TBRG4: variants seen among roughly 807,000 people sequenced by gnomAD.
TBRG4 encodes the protein transforming growth factor beta regulator 4.
TBRG4 carries 43 observed loss-of-function variants against 65.6 expected under a neutral mutation model. The ratio of observed to expected loss-of-function variants is 0.66; its 90% CI spans 0.51 to 0.85. TBRG4 has a LOEUF of 0.85. Among genes scored for constraint, TBRG4 ranks in the 40% least tolerant of loss-of-function variants. The probability of loss-of-function intolerance (pLI) is 0.00; values close to 1 mark genes in which losing one functional copy is unlikely to be tolerated. For missense variants in TBRG4, 709 were observed against 787.9 expected, an observed-to-expected ratio of 0.90 and a Z score of 1.20; for synonymous variants, 366 against 341.4, an observed-to-expected ratio of 1.07 and a Z score of -0.79.
At chr7:45,103,202 T>G (rs891700825) in intron 6 of TBRG4, 131 bp downstream of exon 6, 1 of 711,046 alleles carries the variant, frequency 1.4e-6, no homozygotes, top group African/African-American at 1.8e-5. Flanking sequence ...CAGTTCCCCC[T>G]GCCCTCCCAT....
intron 9 of TBRG4, 26 bp downstream of exon 9, chr7:45,101,477 T>C (rs886222827): frequency 1.2e-6 from 2 of 1,607,928 alleles, no homozygotes; most frequent in Non-Finnish European, 1.7e-6. Flanking sequence ...GGTGCCCCCA[T>C]GGCCAACAGG....
rs112269243 is a variant in TBRG4 at position 45,102,572 on chromosome 7, A to C, written c.1177-81T>G. The C allele has an allele frequency of 5.8e-6, 9 of 1,549,460 alleles. No individual in the cohort carries two copies. In the African/African-American group the frequency reaches 6.8e-5, roughly 12 times the overall value. ...AGCCATGGGTGAGACACAATCCATG[A>C]TGTGGTCTTGGCCTGGTTGGGATGA... On this transcript the variant is annotated intron_variant, in intron 6 of 10. Coordinates refer to ENST00000258770, the MANE Select transcript of TBRG4 (RefSeq NM_004749.4).
rs191115021 is a variant in TBRG4, at chr7:45,102,459, G to A, written c.1209C>T (p.Gly403=). The A allele has an allele frequency of 2.4e-4, 383 of 1,612,660 alleles. No individual in the cohort carries two copies. The highest frequency in any genetic ancestry group is 2.1e-4 in the Non-Finnish European group (246 of 1,180,006). The change falls in exon 7 of 11, where the codon GGC becomes GGT. Residue 403 remains glycine, a synonymous_variant. Coordinates refer to ENST00000258770, the MANE Select transcript of TBRG4 (RefSeq NM_004749.4). ...VHEKLGSELP[G]LEPALQVDLV... is the part of the protein sequence containing the mutation. ...GGTCCACCTGCAGGGCTGGCTCCAGGCCTGGCAGCTCTGACCCCAGCTTCT... is the reference window on the plus strand; with the variant it reads ...GGTCCACCTGCAGGGCTGGCTCCAGACCTGGCAGCTCTGACCCCAGCTTCT...
chr7:45,104,451 A>G (rs1372937262), intron 4 of TBRG4, 87 bp downstream of exon 4: 1 of 1,600,544 alleles, frequency 6.2e-7, no homozygotes, highest in South Asian at 1.1e-5. Context: ...CCTACCATGC[A>G]TAGGACAGGT....
intron 2 of TBRG4, 89 bp from the exon 3 acceptor site, chr7:45,105,853 G>A: frequency 2.9e-6 from 4 of 1,395,778 alleles, no homozygotes; most frequent in Admixed American, 1.8e-5. Context: ...CTTGTTTCAT[G>A]AGCATTTACT....
At chr7:45,104,509 C>T (rs897300775) in intron 4 of TBRG4, 29 bp downstream of exon 4, 1 of 1,613,572 alleles carries the variant, frequency 6.2e-7, no homozygotes, top group Non-Finnish European at 8.5e-7. Context: ...GCGCTCCCCT[C>T]TCTCCACCGT....
Position 45,105,654 on chromosome 7 carries a change from C to T in TBRG4, c.522G>A (p.Trp174Ter). 1 of 1,614,070 alleles carries T rather than the reference C, an allele frequency of 6.2e-7. No homozygotes were observed. Among genetic ancestry groups the T allele is most frequent in the Non-Finnish European group, 8.5e-7 (1 of 1,180,040 alleles). ...ELQSVEQEVR[W>*]RMRKLKYKHL... ...GCTTGTACTTGAGCTTCCGCATGCG[C>T]CAGCGGACCTCCTGCTCCACCGACT... The change falls in exon 3 of 11, where the codon TGG (tryptophan) becomes TGA (stop). Residue 174 changes from tryptophan (W) to a stop codon, truncating the protein, a stop_gained. Coordinates refer to ENST00000258770, the MANE Select transcript of TBRG4 (RefSeq NM_004749.4). LOFTEE classifies it high-confidence loss of function.
At chr7:45,103,862 C>T (rs1477405208) in intron 5 of TBRG4, 1 of 603,260 alleles carries the variant, frequency 1.7e-6, no homozygotes, top group African/African-American at 1.9e-5. Flanking sequence ...TACAGCTACC[C>T]CAAAATGGAT....
Position 45,105,578 on chromosome 7 carries a change from A to G in TBRG4, c.598T>C (p.Ser200Pro), listed in dbSNP as rs1308605038. 2 of 1,614,046 alleles carry G rather than the reference A, an allele frequency of 1.2e-6. No homozygotes were observed. The highest frequency in any genetic ancestry group is 1.7e-6 in the Non-Finnish European group (2 of 1,180,032). Residue 200 changes from serine to proline, a missense_variant, in exon 3 of 11, where the codon TCG becomes CCG. Transcript: ENST00000258770. ...AGCAGCTCAGCCAGCAGCTCCTGCG[A>G]GTGCTGCTCCTGTGAGAGGGTGGCA... ...SCATLSQEQH[S>P]QELLAELLTH...
rs887723934 is a variant in TBRG4, at chr7:45,111,457, C to A, written c.-51+186G>T. 5 of 619,190 alleles carry A rather than the reference C, an allele frequency of 8.1e-6. No individual in the cohort carries two copies. The African/African-American group carries it at 9.7e-5, about 12-fold the overall frequency. 38.4% of individuals were successfully genotyped at this position (619,190 alleles called of 1,614,324 possible). A position where few individuals can be genotyped will look rare whatever the true frequency, so the allele number is the denominator to read the frequency against. ...CGTCTTCCAGGCCTGGCCGCGCGGG[C>A]TAGAGAGGAAGCGTGCGCACTGGCA... On this transcript the variant is annotated intron_variant, in intron 1 of 10. Coordinates refer to ENST00000258770, the MANE Select transcript of TBRG4 (RefSeq NM_004749.4).
intron 5 of TBRG4, 72 bp downstream of exon 5, chr7:45,104,027 G>C: frequency 6.8e-7 from 1 of 1,472,250 alleles, no homozygotes; most frequent in Non-Finnish European, 9.0e-7. Context: ...TTACTTTCCC[G>C]ACTAAGGCAA....
chr7:45,102,650 G>T, intron 6 of TBRG4, 159 bp from the exon 7 acceptor site: 1 of 953,664 alleles, frequency 1.0e-6, no homozygotes, highest in Non-Finnish European at 1.5e-6. Flanking sequence ...CCTTGGTGAG[G>T]CCTGGAGCAA....
At chr7:45,103,491 G>GGAGAGCC (rs59494919) in intron 5 of TBRG4, 48 bp from the exon 6 acceptor site, 13 of 1,480,968 alleles carry the variant, frequency 8.8e-6, no homozygotes, top group African/African-American at 1.4e-5. Flanking sequence ...TCTCTGCCCA[G>GGAGAGCC]CACGCTGTCC....
chr7:45,109,970 CAAAAAA>C (rs11311938), intron 1 of TBRG4, among the ~76,000 whole-genome samples: 2 of 107,912 alleles, frequency 1.9e-5, no homozygotes, highest in Non-Finnish European at 3.7e-5. Flanking sequence ...GACTCCATCT[CAAAAAA>C]AAAAAAAAAA....
chr7:45,105,505 A>G lies in TBRG4; in HGVS notation c.671T>C (p.Leu224Ser), dbSNP rs759150762. Residue 224 changes from leucine to serine, a missense_variant, in exon 3 of 11, where the codon TTA becomes TCA. By Grantham distance (145) the Leu-to-Ser change is moderately radical. Coordinates refer to ENST00000258770, the MANE Select transcript of TBRG4 (RefSeq NM_004749.4). Reference sequence around the variant, plus strand: ...TCCCACCTTCATCATGACGGTCACTAATGTGTGGGAATCTTCAATTTCTGT... The same window carrying G: ...TCCCACCTTCATCATGACGGTCACTGATGTGTGGGAATCTTCAATTTCTGT... ...RWTEIEDSHT[L>S]VTVMMKVGHL... 5.6e-6 allele frequency: 9 copies of G among 1,613,974 alleles called. No individual in the cohort carries two copies. The South Asian group carries it at 9.9e-5, about 18-fold the overall frequency.
At chr7:45,101,676 G>C in intron 8 of TBRG4, 62 bp from the exon 9 acceptor site, 1 of 1,600,214 alleles carries the variant, frequency 6.2e-7, no homozygotes, top group South Asian at 1.1e-5. Context: ...CCCCCCACAG[G>C]AAAGATGAAC....
Position 45,104,151 on chromosome 7 carries a change from G to A in TBRG4, c.1013C>T (p.Ser338Phe). ...TSGEVAHCAK[S>F]FALLKWLSLP... Reference sequence around the variant, plus strand: ...GCTGAGCCACTTGAGTAAGGCGAAGGACTTGGCACAGTGGGCCACCTCACC... The same window carrying A: ...GCTGAGCCACTTGAGTAAGGCGAAGAACTTGGCACAGTGGGCCACCTCACC... The change falls in exon 5 of 11, where the codon TCC becomes TTC. Residue 338 changes from serine (S) to phenylalanine (F), a missense_variant. Ser to Phe is a radical substitution (Grantham distance 155, BLOSUM62 -2). Transcript: ENST00000258770. 6.2e-7 allele frequency: 1 copy of A among 1,613,916 alleles called. No homozygotes were observed. Among genetic ancestry groups the A allele is most frequent in the Non-Finnish European group, 8.5e-7 (1 of 1,179,998 alleles).
rs75727373 is a variant in TBRG4 at position 45,111,463 on chromosome 7, A to G, written c.-51+180T>C. 2,410 of 662,264 alleles carry G rather than the reference A, an allele frequency of 3.6e-3. 62 individuals carry two copies. In the African/African-American group the frequency reaches 0.043, roughly 12 times the overall value. The allele number at this position is 662,264 out of a possible 1,614,324, so 41.0% of individuals were successfully genotyped here. A position where few individuals can be genotyped will look rare whatever the true frequency, so the allele number is the denominator to read the frequency against. ...CCAGGCCTGGCCGCGCGGGCTAGAG[A>G]GGAAGCGTGCGCACTGGCAAGCCAG... On this transcript the variant is annotated intron_variant, in intron 1 of 10. Coordinates refer to ENST00000258770, the MANE Select transcript of TBRG4 (RefSeq NM_004749.4).
chr7:45,104,964 G>A (rs1784891490), intron 3 of TBRG4: 1 of 762,972 alleles, frequency 1.3e-6, no homozygotes, highest in South Asian at 1.4e-5. Flanking sequence ...GGGCCCATGA[G>A]CTGTGGAGCT....
Sources: gnomAD v4.1 joint callset for allele counts (sites outside exome capture counted in the v4.1 genomes callset) on GRCh38, gnomAD v4.1.1 for gene constraint, MANE v1.5 for transcripts, NCBI Gene and HGNC (gene_info 2026-07-23, HGNC 2026-07-21) for gene names.